Variants in OR2T12 observed in about 807,000 individuals in gnomAD.
The protein encoded by OR2T12 is olfactory receptor family 2 subfamily T member 12.
For synonymous variants in OR2T12, 127 were observed against 160.5 expected, an observed-to-expected ratio of 0.79 and a Z score of 1.58; for missense variants, 335 against 404.3, an observed-to-expected ratio of 0.83 and a Z score of 1.47.
Position 248,295,434 on chromosome 1 carries a change from A to G in OR2T12, c.145T>C (p.Trp49Arg), listed in dbSNP as rs28409263. 0.18 allele frequency: 283,689 copies of G among 1,581,102 alleles called. 30,369 individuals are homozygous for G. The highest frequency in any genetic ancestry group is 0.35 in the East Asian group (15,639 of 44,250). The change falls in exon 3 of 3, where the codon TGG (tryptophan) becomes CGG (arginine). Residue 49 changes from tryptophan to arginine, a missense_variant. Coordinates refer to ENST00000641276, the MANE Select transcript of OR2T12 (RefSeq NM_001004692.2). ...SNALMILLIH[W>R]DHRLHRPMYF... Reference sequence around the variant, plus strand: ...ATGGGCCTGTGGAGCCGGTGGTCCCAGTGAATCAGGAGAATCATGAGGGCA... The same window carrying G: ...ATGGGCCTGTGGAGCCGGTGGTCCCGGTGAATCAGGAGAATCATGAGGGCA...
At chr1:248,298,280 A>G (rs1427195625) in intron 2 of OR2T12, among the ~76,000 whole-genome samples, 1 of 152,112 alleles carries the variant, frequency 6.6e-6, no homozygotes, top group Non-Finnish European at 1.5e-5. Context: ...TTTTTGCATC[A>G]ATGTTCATCA....
rs564110291 is a variant in OR2T12, at chr1:248,300,656, C to A, written c.-9+717G>T. On this transcript the variant is annotated intron_variant, in intron 2 of 2. Transcript: ENST00000641276. ...ACTTTATGGAACCACCTATTTTGAC[C>A]ATCATACCATAGCTGTCCCAGTTAT... Among the ~76,000 whole-genome samples the A allele has an allele frequency of 4.8e-4, 73 of 152,162 alleles. 1 individual carries two copies. The Middle Eastern group carries it at 0.024, about 50-fold the overall frequency.
chr1:248,299,417 C>G (rs1274249876), intron 2 of OR2T12, among the ~76,000 whole-genome samples: 1 of 151,870 alleles, frequency 6.6e-6, no homozygotes, highest in Non-Finnish European at 1.5e-5. Context: ...TTTAAACCAA[C>G]AAAGATCAAA....
intron 2 of OR2T12, among the ~76,000 whole-genome samples, chr1:248,297,836 CT>C (rs1484802914): frequency 6.7e-6 from 1 of 149,730 alleles, no homozygotes; most frequent in Non-Finnish European, 1.5e-5. Context: ...ATTGAATACC[CT>C]TTATTTCCTT....
chr1:248,295,726 G>A (rs1659715857), intron 2 of OR2T12, 140 bp from the exon 3 acceptor site: 11 of 1,135,758 alleles, frequency 9.7e-6, no homozygotes, highest in East Asian at 4.9e-5. Flanking sequence ...CTCCCAGTAG[G>A]CACAGCTTTT....
Position 248,295,001 on chromosome 1 carries a change from A to C in OR2T12, c.578T>G (p.Phe193Cys). 6.2e-7 allele frequency: 1 copy of C among 1,611,216 alleles called. No individual in the cohort carries two copies. The change falls in exon 3 of 3, where the codon TTC becomes TGC. Residue 193 changes from phenylalanine (F) to cysteine (C), a missense_variant. Phe to Cys is a radical substitution (Grantham distance 205, BLOSUM62 -2). Transcript: ENST00000641276. ...ACAGCAGATGTACATGGCGTTTTCG[A>C]AGACTGAAGTGTCAGCACAAGCCAA... ...VRLACADTSVFENAMYICCVL... is the reference protein window; with the variant it reads ...VRLACADTSVCENAMYICCVL...
intron 2 of OR2T12, among the ~76,000 whole-genome samples, chr1:248,299,058 C>T (rs903973010): frequency 7.9e-5 from 12 of 152,148 alleles, no homozygotes; most frequent in Admixed American, 2.6e-4. Context: ...AAAGGAACAA[C>T]GGGTACCAGC....
In OR2T12 at chr1:248,293,560, C is replaced by T. The variant is rs1420829165; in HGVS notation, c.*1056G>A. ...GTCTTCTTTTATTCTTCTGCAAACT[C>T]CAAATCTTTAAAATGTGTCCCAAAT... On this transcript the variant is annotated 3_prime_UTR_variant, in exon 3 of 3. Coordinates refer to ENST00000641276, the MANE Select transcript of OR2T12 (RefSeq NM_001004692.2). 1 of 152,100 alleles carries T rather than the reference C, an allele frequency of 6.6e-6. No homozygotes were observed. The highest frequency in any genetic ancestry group is 1.5e-5 in the Non-Finnish European group (1 of 67,996). 9.4% of individuals were successfully genotyped at this position (152,100 alleles called of 1,614,324 possible).
chr1:248,298,477 GT>G (rs1558278306), intron 2 of OR2T12, among the ~76,000 whole-genome samples: 1 of 152,002 alleles, frequency 6.6e-6, no homozygotes, highest in African/African-American at 2.4e-5. Flanking sequence ...AATCCTTCTG[GT>G]CCTGGACTCT....
rs553434978 is a variant in OR2T12 at position 248,299,047 on chromosome 1, G to A, written c.-9+2326C>T. Among the ~76,000 whole-genome samples the A allele has an allele frequency of 5.6e-3, 848 of 152,266 alleles. 3 individuals are homozygous for A. The highest frequency in any genetic ancestry group is 0.055 in the Middle Eastern group (16 of 292). ...GCTCCTGAAGGAAGCACTAAACATG[G>A]AAAGGAACAACGGGTACCAGCCACC... On this transcript the variant is annotated intron_variant, in intron 2 of 2. Transcript: ENST00000641276.
chr1:248,302,912 A>G lies in OR2T12; in HGVS notation c.-190+434T>C, dbSNP rs114058017. On this transcript the variant is annotated intron_variant, in intron 1 of 2. Coordinates refer to ENST00000641276, the MANE Select transcript of OR2T12 (RefSeq NM_001004692.2). ...AAGAGTGACACAGTCTCATGTCAGT[A>G]CTCTAAATGGTTCTGATTTTGGATA... is the stretch of plus-strand genomic sequence containing the variant. 6.5e-3 allele frequency among the ~76,000 whole-genome samples: 988 copies of G among 152,184 alleles called. 16 individuals are homozygous for G. Among genetic ancestry groups the G allele is most frequent in the African/African-American group, 0.023 (945 of 41,536 alleles).
At chr1:248,299,174 C>T (rs543558168) in intron 2 of OR2T12, among the ~76,000 whole-genome samples, 66 of 152,194 alleles carry the variant, frequency 4.3e-4, no homozygotes, top group African/African-American at 1.5e-3. Flanking sequence ...GGATCAAATT[C>T]ACACATAACA....
intron 2 of OR2T12, among the ~76,000 whole-genome samples, chr1:248,301,009 A>C (rs1392241820): frequency 1.3e-5 from 2 of 152,136 alleles, no homozygotes; most frequent in African/African-American, 4.8e-5. Flanking sequence ...AAATCTACAT[A>C]TCCCTCTGAA....
At chr1:248,296,535 A>G (rs1348183451) in intron 2 of OR2T12, among the ~76,000 whole-genome samples, 1 of 152,032 alleles carries the variant, frequency 6.6e-6, no homozygotes, top group East Asian at 1.9e-4. Context: ...TGACTTTTTA[A>G]TGATTGCCAT....
In OR2T12 at chr1:248,294,645, G is replaced by A. The variant is rs1659685078; in HGVS notation, c.934C>T (p.Gln312Ter). The A allele has an allele frequency of 6.8e-6, 11 of 1,613,838 alleles. No homozygotes were observed. The highest frequency in any genetic ancestry group is 9.3e-6 in the Non-Finnish European group (11 of 1,179,960). Reference protein sequence around the residue: ...WLGTCVNLKHQQNEAHRSR With the variant: ...WLGTCVNLKH ...CTTGACCTGTGGGCCTCATTTTGCT[G>A]GTGTTTTAGGTTTACACACGTCCCC... Residue 312 changes from glutamine to a stop codon, truncating the protein, a stop_gained, in exon 3 of 3, where the codon CAG (glutamine) becomes TAG (stop). Coordinates refer to ENST00000641276, the MANE Select transcript of OR2T12 (RefSeq NM_001004692.2). LOFTEE classifies it high-confidence loss of function.
In OR2T12 at chr1:248,295,670, C is replaced by A. The variant is rs1171977106; in HGVS notation, c.-8-84G>T. The A allele has an allele frequency of 8.0e-6, 12 of 1,501,568 alleles. No individual in the cohort carries two copies. In the Admixed American group the frequency reaches 1.6e-4, roughly 19 times the overall value. The allele number at this position is 1,501,568 out of a possible 1,614,324, so 93.0% of individuals were successfully genotyped here. A position where few individuals can be genotyped will look rare whatever the true frequency, so the allele number is the denominator to read the frequency against. On this transcript the variant is annotated intron_variant, in intron 2 of 2. Transcript: ENST00000641276. ...ACTGTTTGACTGCACAGTTTCTGGACATATGTACTGGATATGTTATCCCAG... is the reference window on the plus strand; with the variant it reads ...ACTGTTTGACTGCACAGTTTCTGGAAATATGTACTGGATATGTTATCCCAG...
chr1:248,297,126 C>T (rs974177567), intron 2 of OR2T12, among the ~76,000 whole-genome samples: 4 of 152,014 alleles, frequency 2.6e-5, no homozygotes, highest in African/African-American at 7.3e-5. Flanking sequence ...CTCCCCATTG[C>T]TTGTTTTTCT....
At chr1:248,301,223 C>T (rs886550338) in intron 2 of OR2T12, 150 bp downstream of exon 2, 6 of 152,168 alleles carry the variant, frequency 3.9e-5, no homozygotes, top group East Asian at 1.9e-4. Context: ...ATTGAAAATA[C>T]TGAGCACTAG....
chr1:248,298,280 A>C (rs1427195625), intron 2 of OR2T12, among the ~76,000 whole-genome samples: 2 of 152,112 alleles, frequency 1.3e-5, no homozygotes, highest in Non-Finnish European at 2.9e-5. Flanking sequence ...TTTTTGCATC[A>C]ATGTTCATCA....
Sources: allele counts gnomAD v4.1 joint callset (sites outside exome capture counted in the v4.1 genomes callset), GRCh38; gene constraint gnomAD v4.1.1; transcripts MANE v1.5; gene names NCBI Gene and HGNC (gene_info 2026-07-23, HGNC 2026-07-21).